The following SHROOM1 variants were observed in gnomAD, a reference collection of about 807,000 sequenced individuals.
SHROOM1 encodes the protein protein Shroom1.
A neutral mutation model predicts 64.2 loss-of-function variants in SHROOM1; 53 were observed. That is an observed-to-expected ratio of 0.83 (90% CI 0.66 to 1.04). The LOEUF is 1.04. Among genes scored for constraint, SHROOM1 ranks in the 50% least tolerant of loss-of-function variants. The pLI, the probability that SHROOM1 is intolerant of heterozygous loss-of-function variation, is 0.00. For synonymous variants in SHROOM1, 490 were observed against 518.9 expected (o/e 0.94, Z 0.76); for missense variants, 1,179 against 1,163.2 (o/e 1.01, Z -0.20).
intron 1 of SHROOM1, among the ~76,000 whole-genome samples, chr5:132,828,341 G>A (rs1004735630): frequency 1.3e-5 from 2 of 152,184 alleles, no homozygotes; most frequent in Admixed American, 1.3e-4. Context: ...CCACCTGGGG[G>A]CATTTGTATA....
chr5:132,823,095 G>A lies in SHROOM1; in HGVS notation c.2260C>T (p.Arg754Trp). The A allele has an allele frequency of 6.3e-7, 1 of 1,582,384 alleles. No homozygotes were observed. The highest frequency in any genetic ancestry group is 8.5e-7 in the Non-Finnish European group (1 of 1,171,122). ...SLLQRLRLLQ[R>W]QEEDAKELKE... ...AGCTCCTTGGCGTCCTCCTCCTGCC[G>A]CTGCAGGAGCCGGAGTCGCTGCAGC... Residue 754 changes from arginine to tryptophan, a missense_variant, in exon 10 of 10, where the codon CGG (arginine) becomes TGG (tryptophan). Physicochemically the swap from Arg to Trp is moderately radical, Grantham distance 101 (BLOSUM62 -3). Coordinates refer to ENST00000378679, the MANE Select transcript of SHROOM1 (RefSeq NM_001172700.2). The surrounding 1 kb of genome is among the most constrained non-coding windows in gnomAD (Gnocchi z 4.6).
Position 132,826,264 on chromosome 5 carries a change from G to T in SHROOM1, c.-43+13C>A, listed in dbSNP as rs947231572. The T allele has an allele frequency of 1.3e-5, 16 of 1,257,828 alleles. No individual in the cohort carries two copies. The African/African-American group carries it at 2.2e-4, about 17-fold the overall frequency. The allele number at this position is 1,257,828 out of a possible 1,614,324, so 77.9% of individuals were successfully genotyped here. A position where few individuals can be genotyped will look rare whatever the true frequency, so the allele number is the denominator to read the frequency against. ...CCTGCTGGCCCCGCCACCACGGACG[G>T]CCAGACACTTACACTTCCCCTCCCT... is the stretch of plus-strand genomic sequence containing the variant. On this transcript the variant is annotated intron_variant, in intron 3 of 9. Transcript: ENST00000378679.
Position 132,823,014 on chromosome 5 carries a change from G to A in SHROOM1, c.2341C>T (p.Leu781=), listed in dbSNP as rs1408873625. ...TAGACGCGCAGCTCCTCCACCGGTA[G>A]TGCTCGCACCAGCACCTCCCGCACG... is the stretch of plus-strand genomic sequence containing the variant. ...RAVREVLVRA[L]PVEELRVYCA... is the part of the protein sequence containing the mutation. Residue 781 remains leucine, a synonymous_variant, in exon 10 of 10, where the codon CTA becomes TTA. Coordinates refer to ENST00000378679, the MANE Select transcript of SHROOM1 (RefSeq NM_001172700.2). This position sits in a 1 kb window ranked among gnomAD's most constrained non-coding sequence, Gnocchi z 4.6. 9 of 1,603,724 alleles carry A rather than the reference G, an allele frequency of 5.6e-6. No homozygotes were observed. In the African/African-American group the frequency reaches 8.0e-5, roughly 14 times the overall value.
At chr5:132,829,948 A>G in intron 1 of SHROOM1, 1 of 985,416 alleles carries the variant, frequency 1.0e-6, no homozygotes, top group Non-Finnish European at 1.2e-6. Flanking sequence ...TGGAGACCCG[A>G]GCTCCGTGCC....
chr5:132,829,615 A>G, intron 1 of SHROOM1: 3 of 985,372 alleles, frequency 3.0e-6, no homozygotes, highest in Non-Finnish European at 1.2e-6. Context: ...CCTCAAGGCC[A>G]CCTCACATCT....
chr5:132,825,306 T>A lies in SHROOM1; in HGVS notation c.835A>T (p.Thr279Ser), dbSNP rs772461615. 6.2e-7 allele frequency: 1 copy of A among 1,611,600 alleles called. No individual in the cohort carries two copies. The highest frequency in any genetic ancestry group is 1.1e-5 in the South Asian group (1 of 90,958). The change falls in exon 4 of 10, where the codon ACG becomes TCG. Residue 279 changes from threonine (T) to serine (S), a missense_variant. Coordinates refer to ENST00000378679, the MANE Select transcript of SHROOM1 (RefSeq NM_001172700.2). The surrounding 1 kb of genome is among the most constrained non-coding windows in gnomAD (Gnocchi z 5.1). ...AGGTTCATGGAGCCTTGGGGTTGCG[T>A]CTCGGGCAGCCATCCGACCTCGTGA... ...EDHEVGWLPE[T>S]QPQGSMNLDS...
rs1169801890 is a variant in SHROOM1 at position 132,824,018 on chromosome 5, T to C, written c.1643A>G (p.Glu548Gly). Residue 548 changes from glutamate to glycine, a missense_variant, in exon 7 of 10, where the codon GAG (glutamate) becomes GGG (glycine). By Grantham distance (98) the Glu-to-Gly change is moderately conservative (BLOSUM62 -2). Coordinates refer to ENST00000378679, the MANE Select transcript of SHROOM1 (RefSeq NM_001172700.2). ...PSQCLEELVQ[E>G]LARLDPSLCD... ...TAGAGAGGGATCTAATCTGGCCAGC[T>C]CCTGAACCAGCTCCTCGAGGCACTG... 24 of 1,607,142 alleles carry C rather than the reference T, an allele frequency of 1.5e-5. No homozygotes were observed. Among genetic ancestry groups the C allele is most frequent in the Non-Finnish European group, 2.0e-5 (23 of 1,176,316 alleles).
chr5:132,823,242 C>G lies in SHROOM1; in HGVS notation c.2226+8G>C, dbSNP rs764134003. ...GCCCTACTCGCTTGCAACCTGAACCCCTTTTACCTGCTCATCAGGGTCGCT... is the reference window on the plus strand; with the variant it reads ...GCCCTACTCGCTTGCAACCTGAACCGCTTTTACCTGCTCATCAGGGTCGCT... On this transcript the variant is annotated splice_region_variant and intron_variant, in intron 9 of 9. Coordinates refer to ENST00000378679, the MANE Select transcript of SHROOM1 (RefSeq NM_001172700.2). This position sits in a 1 kb window ranked among gnomAD's most constrained non-coding sequence, Gnocchi z 4.6. The G allele has an allele frequency of 6.3e-7, 1 of 1,593,920 alleles. No individual in the cohort carries two copies. Among genetic ancestry groups the G allele is most frequent in the South Asian group, 1.1e-5 (1 of 90,212 alleles).
rs1376500942 is a variant in SHROOM1, at chr5:132,825,470, G to T, written c.671C>A (p.Ser224Ter). ...CACACGATCCAGCTTTCCTGGCTCT[G>T]AGAAGCACCACTTCCGCTGCTGGTT... is the stretch of plus-strand genomic sequence containing the variant. ...LANQQRKWCFSEPGKLDRVGR... is the reference protein window; with the variant it reads ...LANQQRKWCF Residue 224 changes from serine (S) to a stop codon, truncating the protein, a stop_gained, in exon 4 of 10, where the codon TCA becomes TAA. Transcript: ENST00000378679. LOFTEE classifies it high-confidence loss of function. The surrounding 1 kb of genome is among the most constrained non-coding windows in gnomAD (Gnocchi z 5.1). 6 of 1,555,820 alleles carry T rather than the reference G, an allele frequency of 3.9e-6. No individual in the cohort carries two copies. The highest frequency in any genetic ancestry group is 5.2e-6 in the Non-Finnish European group (6 of 1,154,714).
In SHROOM1 at chr5:132,822,882, C is replaced by G; in HGVS notation, c.2473G>C (p.Gly825Arg). Residue 825 changes from glycine (G) to arginine (R), a missense_variant, in exon 10 of 10, where the codon GGC becomes CGC. Gly to Arg is a moderately radical substitution (Grantham distance 125). Transcript: ENST00000378679. ...GGGCTGGGAGACGGGGCATGATGGCCAAGGTCGTCCCTGATGGCGTCCAGT... is the reference window on the plus strand; with the variant it reads ...GGGCTGGGAGACGGGGCATGATGGCGAAGGTCGTCCCTGATGGCGTCCAGT... ...DQLDAIRDDL[G>R]HHAPSPSPAR... 1 of 1,613,640 alleles carries G rather than the reference C, an allele frequency of 6.2e-7. No individual in the cohort carries two copies. The highest frequency in any genetic ancestry group is 8.5e-7 in the Non-Finnish European group (1 of 1,180,010).
At chr5:132,829,180 G>A (rs1444585424) in intron 1 of SHROOM1, among the ~76,000 whole-genome samples, 1 of 152,224 alleles carries the variant, frequency 6.6e-6, no homozygotes, top group African/African-American at 2.4e-5. Context: ...AGTCCTGGGA[G>A]GGGGAGTTGG....
Position 132,826,024 on chromosome 5 carries a change from G to C in SHROOM1, c.117C>G (p.Ala39=). 1.3e-6 allele frequency: 2 copies of C among 1,533,894 alleles called. No homozygotes were observed. The highest frequency in any genetic ancestry group is 1.8e-6 in the Non-Finnish European group (2 of 1,141,948). ...ADSAYSSFSA[A]SGGPEPRTQS... is the part of the protein sequence containing the mutation. ...GCGTGCGCGGCTCGGGGCCGCCGGA[G>C]GCTGCGGAGAAAGAGCTGTAGGCCG... is the stretch of plus-strand genomic sequence containing the variant. The change falls in exon 4 of 10, where the codon GCC becomes GCG. Residue 39 remains alanine (A), a synonymous_variant. Coordinates refer to ENST00000378679, the MANE Select transcript of SHROOM1 (RefSeq NM_001172700.2).
chr5:132,830,293 G>A lies in SHROOM1; in HGVS notation c.-501+301C>T. 1.0e-6 allele frequency: 1 copy of A among 985,226 alleles called. No homozygotes were observed. 61.0% of individuals were successfully genotyped at this position (985,226 alleles called of 1,614,324 possible). On this transcript the variant is annotated intron_variant, in intron 1 of 9. Coordinates refer to ENST00000378679, the MANE Select transcript of SHROOM1 (RefSeq NM_001172700.2). This position sits in a 1 kb window ranked among gnomAD's most constrained non-coding sequence, Gnocchi z 5.9. ...GAGGGTGGCGGAGTGAGACCGCGCT[G>A]CCCGCCGGCGCCACACGCGGCGCGC...
In SHROOM1 at chr5:132,825,298, G is replaced by C; in HGVS notation, c.843C>G (p.Pro281=). 6.2e-7 allele frequency: 1 copy of C among 1,612,402 alleles called. No individual in the cohort carries two copies. The highest frequency in any genetic ancestry group is 8.5e-7 in the Non-Finnish European group (1 of 1,179,858). ...HEVGWLPETQ[P]QGSMNLDSGS... ...CGGAGTCCAGGTTCATGGAGCCTTG[G>C]GGTTGCGTCTCGGGCAGCCATCCGA... Residue 281 remains proline (P), a synonymous_variant, in exon 4 of 10, where the codon CCC becomes CCG. Transcript: ENST00000378679. This position sits in a 1 kb window ranked among gnomAD's most constrained non-coding sequence, Gnocchi z 5.1.
chr5:132,825,932 G>C lies in SHROOM1; in HGVS notation c.209C>G (p.Pro70Arg). The change falls in exon 4 of 10, where the codon CCG (proline) becomes CGG (arginine). Residue 70 changes from proline to arginine, a missense_variant. Physicochemically the swap from Pro to Arg is moderately radical, Grantham distance 103 (BLOSUM62 -2). Transcript: ENST00000378679. The surrounding 1 kb of genome is among the most constrained non-coding windows in gnomAD (Gnocchi z 5.1). ...GGCAGCGTCGGGCGGGGCGGGGCCC[G>C]GGCCGCCCCAAACCACACGCACGTA... Reference protein sequence around the residue: ...WDYVRVVWGGPGPAPPDAALC... With the variant: ...WDYVRVVWGGRGPAPPDAALC... 1.4e-6 allele frequency: 2 copies of C among 1,383,630 alleles called. No individual in the cohort carries two copies. The highest frequency in any genetic ancestry group is 1.9e-6 in the Non-Finnish European group (2 of 1,061,372). 85.7% of individuals were successfully genotyped at this position (1,383,630 alleles called of 1,614,324 possible).
Position 132,823,112 on chromosome 5 carries a change from C to G in SHROOM1, c.2243G>C (p.Arg748Pro). Reference sequence around the variant, plus strand: ...CTCCTGCCGCTGCAGGAGCCGGAGTCGCTGCAGCAGGGAGGCCTTGAGCCG... The same window carrying G: ...CTCCTGCCGCTGCAGGAGCCGGAGTGGCTGCAGCAGGGAGGCCTTGAGCCG... ...DPDEQASLLQ[R>P]LRLLQRQEED... is the part of the protein sequence containing the mutation. The change falls in exon 10 of 10, where the codon CGA becomes CCA. Residue 748 changes from arginine to proline, a missense_variant. By Grantham distance (103) the Arg-to-Pro change is moderately radical. Transcript: ENST00000378679. The surrounding 1 kb of genome is among the most constrained non-coding windows in gnomAD (Gnocchi z 4.6). The G allele has an allele frequency of 6.4e-7, 1 of 1,574,366 alleles. No homozygotes were observed. The highest frequency in any genetic ancestry group is 1.1e-5 in the South Asian group (1 of 87,724).
Position 132,825,532 on chromosome 5 carries a change from A to G in SHROOM1, c.609T>C (p.Ala203=), listed in dbSNP as rs1758651602. Residue 203 remains alanine (A), a synonymous_variant, in exon 4 of 10, where the codon GCT becomes GCC. Coordinates refer to ENST00000378679, the MANE Select transcript of SHROOM1 (RefSeq NM_001172700.2). This position sits in a 1 kb window ranked among gnomAD's most constrained non-coding sequence, Gnocchi z 5.1. Reference sequence around the variant, plus strand: ...CCCGGCCGGCAGTTCCTGGCGCGGGAGCCCGGGAGCGCGCCGGCTCCCCCT... The same window carrying G: ...CCCGGCCGGCAGTTCCTGGCGCGGGGGCCCGGGAGCGCGCCGGCTCCCCCT... ...GGEGEPARSR[A]PAPGTAGRGP... 6.9e-7 allele frequency: 1 copy of G among 1,447,294 alleles called. No homozygotes were observed. The highest frequency in any genetic ancestry group is 9.0e-7 in the Non-Finnish European group (1 of 1,108,828). The allele number at this position is 1,447,294 out of a possible 1,614,324, so 89.7% of individuals were successfully genotyped here.
At chr5:132,829,013 A>G (rs1048836761) in intron 1 of SHROOM1, among the ~76,000 whole-genome samples, 4 of 152,224 alleles carry the variant, frequency 2.6e-5, no homozygotes, top group African/African-American at 2.4e-5. Context: ...TCCCTGCCTC[A>G]GTGGCAGTGG....
Position 132,826,340 on chromosome 5 carries a change from T to G in SHROOM1, c.-106A>C, listed in dbSNP as rs1758702711. The G allele has an allele frequency of 1.7e-6, 2 of 1,206,976 alleles. No individual in the cohort carries two copies. Among genetic ancestry groups the G allele is most frequent in the Non-Finnish European group, 2.1e-6 (2 of 963,176 alleles). The allele number at this position is 1,206,976 out of a possible 1,614,324, so 74.8% of individuals were successfully genotyped here. A position where few individuals can be genotyped will look rare whatever the true frequency, so the allele number is the denominator to read the frequency against. On this transcript the variant is annotated 5_prime_UTR_variant, in exon 3 of 10. Coordinates refer to ENST00000378679, the MANE Select transcript of SHROOM1 (RefSeq NM_001172700.2). ...TCCCCCAGATTTTGGCAGAGTCACC[T>G]TGGGATCAGAGGTGGCAGAGGAAGT...
Sources: allele counts gnomAD v4.1 joint callset (sites outside exome capture counted in the v4.1 genomes callset), GRCh38; gene constraint gnomAD v4.1.1; non-coding constraint Gnocchi (gnomAD v3.1); transcripts MANE v1.5; gene names NCBI Gene and HGNC (gene_info 2026-07-23, HGNC 2026-07-21).